ERI1: variants seen among roughly 807,000 people sequenced by gnomAD.
The protein encoded by ERI1 is exoribonuclease 1.
ERI1 carries 39 observed loss-of-function variants against 39.7 expected under a neutral mutation model. The observed-to-expected ratio is 0.98, with a 90% CI of 0.76 to 1.28. ERI1 has a LOEUF of 1.28. Among genes scored for constraint, ERI1 ranks in the 50% most tolerant of loss-of-function variants. ERI1 has a pLI of 0.00. For synonymous variants in ERI1, 204 were observed against 149.6 expected (o/e 1.36, Z -2.65); for missense variants, 581 against 416.9 (o/e 1.39, Z -3.43).
At chr8:9,065,086 A>T (rs1386315668) in intron 3 of ERI1, among the ~76,000 whole-genome samples, 3 of 152,114 alleles carry the variant, frequency 2.0e-5, no homozygotes, top group East Asian at 3.9e-4. Flanking sequence ...GGCCATTTTC[A>T]CTTCTTTTGT....
intron 3 of ERI1, chr8:9,072,400 C>T (rs541984470): frequency 5.3e-5 from 8 of 152,094 alleles, no homozygotes; most frequent in African/African-American, 7.2e-5. Flanking sequence ...ACAGCATATG[C>T]GCAACCATTA....
At chr8:9,023,347 G>A (rs1243147141) in intron 6 of ERI1, among the ~76,000 whole-genome samples, 1 of 151,914 alleles carries the variant, frequency 6.6e-6, no homozygotes, top group Non-Finnish European at 1.5e-5. Flanking sequence ...TGAGAAGCTC[G>A]ATCCCCTTTA....
At chr8:9,047,698 CTT>C (rs1798218630) in intron 3 of ERI1, among the ~76,000 whole-genome samples, 1 of 148,950 alleles carries the variant, frequency 6.7e-6, no homozygotes, top group Non-Finnish European at 1.5e-5. Flanking sequence ...GACCCTGTCT[CTT>C]AAAAAGAAAG....
At chr8:9,060,099 G>A (rs1054884314) in intron 3 of ERI1, among the ~76,000 whole-genome samples, 13 of 152,154 alleles carry the variant, frequency 8.5e-5, no homozygotes, top group South Asian at 4.1e-4. Flanking sequence ...CCATTAGTCC[G>A]TTCTACCTTT....
chr8:9,009,621 C>T (rs1459175533), intron 2 of ERI1, among the ~76,000 whole-genome samples: 3 of 151,654 alleles, frequency 2.0e-5, no homozygotes, highest in Non-Finnish European at 4.4e-5. Flanking sequence ...CTCACTGCAA[C>T]CTCCGACTCC....
intron 3 of ERI1, among the ~76,000 whole-genome samples, chr8:9,066,845 C>A (rs150287498): frequency 1.3e-5 from 2 of 151,898 alleles, no homozygotes; most frequent in Non-Finnish European, 2.9e-5. Context: ...AGTTGGTGAT[C>A]GCCTTGCCTC....
intron 3 of ERI1, among the ~76,000 whole-genome samples, chr8:9,060,793 T>A (rs972824046): frequency 6.6e-6 from 1 of 152,194 alleles, no homozygotes; most frequent in East Asian, 1.9e-4. Context: ...CTAGCCACCT[T>A]ATCAGCATAA....
rs1219929016 is a variant in ERI1, at chr8:9,002,910, A to G, written c.-154A>G. ...CGTGTGGACGCCACACGCTCCCGGA[A>G]GTGGGAGGTGGCCGCTGGAGTTTGT... On this transcript the variant is annotated 5_prime_UTR_variant, in exon 1 of 7. Coordinates refer to ENST00000250263, the MANE Select transcript of ERI1 (RefSeq NM_153332.4). 1 of 461,998 alleles carries G rather than the reference A, an allele frequency of 2.2e-6. No individual in the cohort carries two copies. Among genetic ancestry groups the G allele is most frequent in the African/African-American group, 2.0e-5 (1 of 49,824 alleles). 28.6% of individuals were successfully genotyped at this position (461,998 alleles called of 1,614,324 possible). A position where few individuals can be genotyped will look rare whatever the true frequency, so the allele number is the denominator to read the frequency against.
chr8:9,017,927 A>T (rs1183819816), intron 4 of ERI1, among the ~76,000 whole-genome samples: 1 of 152,166 alleles, frequency 6.6e-6, no homozygotes, highest in East Asian at 1.9e-4. Flanking sequence ...AAATTGTGAG[A>T]CCTGAGATGG....
chr8:9,070,872 A>G, intron 3 of ERI1, among the ~76,000 whole-genome samples: 1 of 152,286 alleles, frequency 6.6e-6, no homozygotes, highest in East Asian at 1.9e-4. Context: ...TTTGCAGCCC[A>G]TGTGTGCAGG....
intron 3 of ERI1, among the ~76,000 whole-genome samples, chr8:9,070,431 T>G (rs775408996): frequency 2.0e-5 from 3 of 152,118 alleles, no homozygotes; most frequent in Non-Finnish European, 4.4e-5. Context: ...AAGGCTGCAA[T>G]GAGCTATGAT....
chr8:9,091,923 C>T (rs771781797), intron 3 of ERI1, among the ~76,000 whole-genome samples: 1 of 152,174 alleles, frequency 6.6e-6, no homozygotes, highest in Non-Finnish European at 1.5e-5. Context: ...TTGGAAAGAG[C>T]TTTCTGAACT....
intron 3 of ERI1, among the ~76,000 whole-genome samples, chr8:9,079,708 C>G (rs533338228): frequency 1.4e-4 from 21 of 152,272 alleles, no homozygotes; most frequent in African/African-American, 4.6e-4. Context: ...CAGGGTCTCA[C>G]TGTCATCCAG....
At chr8:9,003,901 C>T (rs1815656453) in intron 1 of ERI1, among the ~76,000 whole-genome samples, 1 of 152,242 alleles carries the variant, frequency 6.6e-6, no homozygotes, top group Non-Finnish European at 1.5e-5. Flanking sequence ...CCTCCTAACT[C>T]TTGCTCCTTC....
intron 3 of ERI1, among the ~76,000 whole-genome samples, chr8:9,063,778 C>T (rs577544063): frequency 6.6e-6 from 1 of 152,070 alleles, no homozygotes; most frequent in African/African-American, 2.4e-5. Context: ...CGTTTTCTGG[C>T]TATTTGGAAC....
Position 9,014,997 on chromosome 8 carries a change from C to T in ERI1, c.499-1325C>T, listed in dbSNP as rs145714149. On this transcript the variant is annotated intron_variant, in intron 3 of 6. Transcript: ENST00000250263. ...GAACTATACGTGCATGCCACCTCGC[C>T]CAGCTAATTTTTGTATTTTTAGTAG... Among the ~76,000 whole-genome samples the T allele has an allele frequency of 3.6e-4, 55 of 152,202 alleles. 1 individual carries two copies. In the East Asian group the frequency reaches 0.011, roughly 29 times the overall value.
At chr8:9,057,611 T>G (rs1039829927) in intron 3 of ERI1, among the ~76,000 whole-genome samples, 2 of 152,268 alleles carry the variant, frequency 1.3e-5, no homozygotes, top group African/African-American at 4.8e-5. Flanking sequence ...TTAGGCCTGG[T>G]GAAAAAGACA....
At chr8:9,012,417 A>G (rs77217333) in intron 3 of ERI1, among the ~76,000 whole-genome samples, 1 of 152,316 alleles carries the variant, frequency 6.6e-6, no homozygotes, top group East Asian at 1.9e-4. Context: ...TAACATCTCA[A>G]CTTTCCAAAA....
intron 3 of ERI1, among the ~76,000 whole-genome samples, chr8:9,083,549 A>C (rs923998815): frequency 1.3e-5 from 2 of 152,022 alleles, no homozygotes; most frequent in Non-Finnish European, 1.5e-5. Context: ...GCAATCATCA[A>C]CTCATAATCA....
Sources: allele counts gnomAD v4.1 joint callset (sites outside exome capture counted in the v4.1 genomes callset), GRCh38; gene constraint gnomAD v4.1.1; transcripts MANE v1.5; gene names NCBI Gene and HGNC (gene_info 2026-07-23, HGNC 2026-07-21).